The following DLK1 variants were observed in gnomAD, a reference collection of about 807,000 sequenced individuals.
The protein encoded by DLK1 is protein delta homolog 1.
Under a neutral mutation model 35.2 loss-of-function variants are expected in DLK1, and 9 were observed. That is an observed-to-expected ratio of 0.26 (90% CI 0.15 to 0.45). The LOEUF (loss-of-function observed/expected upper bound fraction) is 0.45, where lower values mean the gene tolerates loss of function less well. Ranked by LOEUF, DLK1 falls within the 20% of genes least tolerant of loss-of-function variation. The probability of loss-of-function intolerance (pLI) is 1.00; values close to 1 mark genes in which losing one functional copy is unlikely to be tolerated. For missense variants in DLK1, 522 were observed against 528.5 expected (o/e 0.99, Z 0.12); for synonymous variants, 231 against 228.4 (o/e 1.01, Z -0.10).
rs376145355 is a variant in DLK1, at chr14:100,734,129, A to G, written c.405-20A>G. The G allele has an allele frequency of 1.9e-5, 30 of 1,579,548 alleles. No homozygotes were observed. Among genetic ancestry groups the G allele is most frequent in the African/African-American group, 1.3e-4 (10 of 74,266 alleles). On this transcript the variant is annotated intron_variant, in intron 4 of 4. Coordinates refer to ENST00000341267, the MANE Select transcript of DLK1 (RefSeq NM_003836.7). The surrounding 1 kb of genome is among the most constrained non-coding windows in gnomAD (Gnocchi z 7.4). ...AGCCTAGCCCCTGAGGCCGTTTACT[A>G]TGTCCCTGTTGTGTTGCAGCTCCCC...
chr14:100,727,280 C>T, intron 1 of DLK1, 145 bp downstream of exon 1: 1 of 874,846 alleles, frequency 1.1e-6, no homozygotes, highest in Non-Finnish European at 1.6e-6. Context: ...GTGCCTGTCT[C>T]GCCCTACCCA....
rs368239278 is a variant in DLK1 at position 100,728,910 on chromosome 14, C to T, written c.132-26C>T. On this transcript the variant is annotated intron_variant, in intron 2 of 4. Transcript: ENST00000341267. ...CTACCCCTGCCCTCTTCATATGTCC[C>T]CACCTTTCTCCCCCACCCATTGCAG... The T allele has an allele frequency of 3.8e-5, 62 of 1,611,696 alleles. No individual in the cohort carries two copies. The Middle Eastern group carries it at 1.5e-3, about 39-fold the overall frequency.
rs2036579606 is a variant in DLK1 at position 100,736,908 on chromosome 14, C to T, written c.*2012C>T. On this transcript the variant is annotated 3_prime_UTR_variant, in exon 5 of 5. Coordinates refer to ENST00000341267, the MANE Select transcript of DLK1 (RefSeq NM_003836.7). ...CCCCAATCCTTCCCCTCCTGTTAGC[C>T]CACCCCTCCTTTCCTATCACCCCCA... The T allele has an allele frequency of 7.4e-6, 1 of 135,974 alleles. No homozygotes were observed. The highest frequency in any genetic ancestry group is 2.7e-4 in the South Asian group (1 of 3,742). The allele number at this position is 135,974 out of a possible 1,614,324, so 8.4% of individuals were successfully genotyped here.
chr14:100,729,186 G>A (rs111663933), intron 3 of DLK1, 120 bp downstream of exon 3: 53 of 1,512,462 alleles, frequency 3.5e-5, no homozygotes, highest in Non-Finnish European at 4.0e-5. Context: ...TGCACACTCC[G>A]TGCCCTGTAT....
Position 100,728,545 on chromosome 14 carries a change from G to A in DLK1, c.131+86G>A, listed in dbSNP as rs932645396. On this transcript the variant is annotated intron_variant, in intron 2 of 4. Transcript: ENST00000341267. ...GAAGTCAGGCAGAAAAAAATAGGGG[G>A]CTTGGCCACTACGCTGCAGCAAACA... 6 of 1,373,544 alleles carry A rather than the reference G, an allele frequency of 4.4e-6. No individual in the cohort carries two copies. The African/African-American group carries it at 7.3e-5, about 17-fold the overall frequency. The allele number at this position is 1,373,544 out of a possible 1,614,324, so 85.1% of individuals were successfully genotyped here.
At chr14:100,733,217 G>A (rs534749161) in intron 4 of DLK1, among the ~76,000 whole-genome samples, 1 of 152,194 alleles carries the variant, frequency 6.6e-6, no homozygotes, top group Non-Finnish European at 1.5e-5. Context: ...TTAAACCAGT[G>A]TGTCAAAATA....
rs1020520411 is a variant in DLK1 at position 100,735,540 on chromosome 14, G to C, written c.*644G>C. On this transcript the variant is annotated 3_prime_UTR_variant, in exon 5 of 5. Transcript: ENST00000341267. ...TTGGCGAGTCCCTATCCCAATCCTG[G>C]GCCCACTTTCTCGCCCCTCTCGAGG... 2.6e-5 allele frequency: 4 copies of C among 152,080 alleles called. No individual in the cohort carries two copies. The highest frequency in any genetic ancestry group is 9.7e-5 in the African/African-American group (4 of 41,394). 9.4% of individuals were successfully genotyped at this position (152,080 alleles called of 1,614,324 possible). A position where few individuals can be genotyped will look rare whatever the true frequency, so the allele number is the denominator to read the frequency against.
chr14:100,733,171 G>A (rs979621890), intron 4 of DLK1, among the ~76,000 whole-genome samples: 1 of 152,180 alleles, frequency 6.6e-6, no homozygotes, highest in Non-Finnish European at 1.5e-5. Context: ...AACAGAGCGA[G>A]ACCTTTAAAA....
intron 4 of DLK1, among the ~76,000 whole-genome samples, chr14:100,733,008 C>T (rs541937608): frequency 2.6e-5 from 4 of 152,278 alleles, no homozygotes; most frequent in South Asian, 2.1e-4. Context: ...CTTATCTTGA[C>T]CGGACATCGC....
rs1024677897 is a variant in DLK1, at chr14:100,734,590, C to T, written c.846C>T (p.His282=). 3 of 1,613,704 alleles carry T rather than the reference C, an allele frequency of 1.9e-6. No homozygotes were observed. Among genetic ancestry groups the T allele is most frequent in the Non-Finnish European group, 2.5e-6 (3 of 1,180,034 alleles). ...AGCTGCCGGTGCAGCAGCCGGAGCA[C>T]CGCATCCTGAAGGTGTCCATGAAAG... ...VHELPVQQPE[H]RILKVSMKEL... is the part of the protein sequence containing the mutation. Residue 282 remains histidine, a synonymous_variant, in exon 5 of 5, where the codon CAC becomes CAT. Transcript: ENST00000341267. This position sits in a 1 kb window ranked among gnomAD's most constrained non-coding sequence, Gnocchi z 7.4.
At position 100,735,086 on chromosome 14, in the gene DLK1, G is replaced by A. The variant is rs2036557490; in HGVS notation, c.*190G>A. On this transcript the variant is annotated 3_prime_UTR_variant, in exon 5 of 5. Coordinates refer to ENST00000341267, the MANE Select transcript of DLK1 (RefSeq NM_003836.7). ...AACAATCCTCTTTCTCTCTCTTAAT[G>A]CATGATACAGAATAATAATAAGAAT... is the stretch of plus-strand genomic sequence containing the variant. 3 of 563,432 alleles carry A rather than the reference G, an allele frequency of 5.3e-6. No individual in the cohort carries two copies. Among genetic ancestry groups the A allele is most frequent in the Non-Finnish European group, 8.7e-6 (3 of 346,286 alleles). The allele number at this position is 563,432 out of a possible 1,614,324, so 34.9% of individuals were successfully genotyped here. A position where few individuals can be genotyped will look rare whatever the true frequency, so the allele number is the denominator to read the frequency against.
chr14:100,734,416 G>T lies in DLK1; in HGVS notation c.672G>T (p.Leu224=). 1 of 1,611,888 alleles carries T rather than the reference G, an allele frequency of 6.2e-7. No homozygotes were observed. The highest frequency in any genetic ancestry group is 8.5e-7 in the Non-Finnish European group (1 of 1,179,036). Residue 224 remains leucine (L), a synonymous_variant, in exon 5 of 5, where the codon CTG becomes CTT. Transcript: ENST00000341267. The surrounding 1 kb of genome is among the most constrained non-coding windows in gnomAD (Gnocchi z 7.4). ...CGTGCCAGAACGGGGGCACCTGCCT[G>T]CAGCACACCCAGGTGAGCTACGAGT... ...SSPCQNGGTC[L]QHTQVSYECL...
At chr14:100,731,709 C>T (rs942816911) in intron 3 of DLK1, among the ~76,000 whole-genome samples, 3 of 152,102 alleles carry the variant, frequency 2.0e-5, no homozygotes, top group Non-Finnish European at 2.9e-5. Context: ...CAGCTAGGCA[C>T]GCTGTTGCAG....
chr14:100,732,243 C>G, intron 4 of DLK1, 60 bp downstream of exon 4: 6 of 1,574,860 alleles, frequency 3.8e-6, no homozygotes, highest in Non-Finnish European at 5.2e-6. Flanking sequence ...CCACCAAAGA[C>G]CCTTTCAGCC....
rs368931929 is a variant in DLK1, at chr14:100,727,133, A to G, written c.65A>G (p.Tyr22Cys). 9.5e-6 allele frequency: 15 copies of G among 1,585,228 alleles called. No individual in the cohort carries two copies. In the African/African-American group the frequency reaches 9.7e-5, roughly 10 times the overall value. The stretch of plus-strand genomic sequence containing the variant: ...CTGCTGGCTTTCGGCCACAGCACCT[A>G]TGGTGAGTTCCCCGGCGGCCCGGCT... ...LLLLAFGHST[Y>C]GAECFPACNP... The change falls in exon 1 of 5, where the codon TAT becomes TGT. Residue 22 changes from tyrosine (Y) to cysteine (C), a missense_variant and splice_region_variant. Tyr to Cys is a radical substitution (Grantham distance 194, BLOSUM62 -2). Coordinates refer to ENST00000341267, the MANE Select transcript of DLK1 (RefSeq NM_003836.7).
rs185803714 is a variant in DLK1 at position 100,729,800 on chromosome 14, G to A, written c.262+734G>A. Reference sequence around the variant, plus strand: ...TGGCAAAACCAGCCCTAACGTTTGAGCAAACTGAAGTCCACAAAAAAACTC... The same window carrying A: ...TGGCAAAACCAGCCCTAACGTTTGAACAAACTGAAGTCCACAAAAAAACTC... On this transcript the variant is annotated intron_variant, in intron 3 of 4. Transcript: ENST00000341267. 1.4e-4 allele frequency among the ~76,000 whole-genome samples: 21 copies of A among 152,262 alleles called. No individual in the cohort carries two copies. In the East Asian group the frequency reaches 3.5e-3, roughly 25 times the overall value.
rs1218439841 is a variant in DLK1, at chr14:100,737,410, A to T, written c.*2514A>T. The T allele has an allele frequency of 6.6e-6, 1 of 152,048 alleles. No individual in the cohort carries two copies. Among genetic ancestry groups the T allele is most frequent in the Non-Finnish European group, 1.5e-5 (1 of 68,038 alleles). The allele number at this position is 152,048 out of a possible 1,614,324, so 9.4% of individuals were successfully genotyped here. On this transcript the variant is annotated 3_prime_UTR_variant, in exon 5 of 5. Coordinates refer to ENST00000341267, the MANE Select transcript of DLK1 (RefSeq NM_003836.7). ...ATTCTGTTCCTCAGTTTCCCCAAAT[A>T]GAAAATTCTAAGATTGGTCAGATGA...
rs1228101373 is a variant in DLK1, at chr14:100,736,430, A to G, written c.*1534A>G. On this transcript the variant is annotated 3_prime_UTR_variant, in exon 5 of 5. Transcript: ENST00000341267. ...ACCTTCGTCATCTACAGTCAGTCAC[A>G]TCAGTCACCCACACACAACTCACAG... 1 of 152,168 alleles carries G rather than the reference A, an allele frequency of 6.6e-6. No individual in the cohort carries two copies. Among genetic ancestry groups the G allele is most frequent in the African/African-American group, 2.4e-5 (1 of 41,336 alleles). The allele number at this position is 152,168 out of a possible 1,614,324, so 9.4% of individuals were successfully genotyped here. A position where few individuals can be genotyped will look rare whatever the true frequency, so the allele number is the denominator to read the frequency against.
At chr14:100,733,075 C>T (rs1448003598) in intron 4 of DLK1, among the ~76,000 whole-genome samples, 1 of 152,222 alleles carries the variant, frequency 6.6e-6, no homozygotes, top group Non-Finnish European at 1.5e-5. Context: ...ATTAACGGGG[C>T]TTCCAAAGAT....
Sources: gnomAD v4.1 joint callset for allele counts (sites outside exome capture counted in the v4.1 genomes callset) on GRCh38, gnomAD v4.1.1 for gene constraint, Gnocchi (gnomAD v3.1) non-coding constraint, MANE v1.5 for transcripts, NCBI Gene and HGNC (gene_info 2026-07-23, HGNC 2026-07-21) for gene names.